The following JAZF1 variants were observed in gnomAD, a reference collection of about 807,000 sequenced individuals.
JAZF1 encodes the protein JAZF zinc finger 1, also known as juxtaposed with another zinc finger protein 1.
JAZF1 carries 8 observed loss-of-function variants against 26.4 expected under a neutral mutation model. The ratio of observed to expected loss-of-function variants is 0.30; its 90% CI spans 0.18 to 0.55. The LOEUF (loss-of-function observed/expected upper bound fraction) is 0.55. Ranked by LOEUF, JAZF1 falls within the 20% of genes least tolerant of loss-of-function variation. JAZF1 has a pLI of 0.94. For synonymous variants in JAZF1, 126 were observed against 122.3 expected (o/e 1.03, Z -0.20); for missense variants, 199 against 322.0 (o/e 0.62, Z 2.92).
At chr7:28,138,994 G>T (rs986523314) in intron 1 of JAZF1, among the ~76,000 whole-genome samples, 2 of 128,376 alleles carry the variant, frequency 1.6e-5, no homozygotes, top group African/African-American at 5.3e-5. Context: ...TTAGGTCAAG[G>T]TAGACCTGAA....
intron 1 of JAZF1, among the ~76,000 whole-genome samples, chr7:28,043,397 C>T (rs1056699559): frequency 2.0e-5 from 3 of 152,144 alleles, no homozygotes; most frequent in African/African-American, 7.2e-5. Flanking sequence ...ACTACCCTCC[C>T]CTAAGCTCGT....
rs768699572 is a variant in JAZF1 at position 27,877,174 on chromosome 7, AG to A, written c.385+18045del. On this transcript the variant is annotated intron_variant, in intron 3 of 4. Transcript: ENST00000283928. ...TCTTCCGTCAAAGCAAGGACAGGAA[AG>A]GGGAACGAGAGAGCTAGCGAAAAAC... Among the ~76,000 whole-genome samples, 12 of 152,340 alleles carry A rather than the reference AG, an allele frequency of 7.9e-5. No individual in the cohort carries two copies. The South Asian group carries it at 1.7e-3, about 21-fold the overall frequency.
At chr7:28,021,711 T>C (rs6946007) in intron 1 of JAZF1, among the ~76,000 whole-genome samples, 6,884 of 152,314 alleles carry the variant, frequency 0.045, 250 homozygotes, top group African/African-American at 0.093. Flanking sequence ...TCTCCCAATG[T>C]GTCACCTGAC....
rs1554274814 is a variant in JAZF1 at position 27,909,002 on chromosome 7, T to TATTAATTCATTC, written c.189-13587_189-13586insGAATGAATTAAT. 4.2e-4 allele frequency among the ~76,000 whole-genome samples: 63 copies of TATTAATTCATTC among 151,168 alleles called. No individual in the cohort carries two copies. The South Asian group carries it at 9.9e-3, about 24-fold the overall frequency. ...TTCAGGTAAGTACACACTTGAATAA[T>TATTAATTCATTC]ATTCATTCATTCATTCATTCATTCA... On this transcript the variant is annotated intron_variant, in intron 2 of 4. Coordinates refer to ENST00000283928, the MANE Select transcript of JAZF1 (RefSeq NM_175061.4).
chr7:28,049,840 C>T (rs1401443694), intron 1 of JAZF1, among the ~76,000 whole-genome samples: 2 of 152,130 alleles, frequency 1.3e-5, no homozygotes, highest in South Asian at 2.1e-4. Context: ...ATGCCCTCTC[C>T]GAGCACACCA....
At chr7:27,932,116 G>A (rs1453641040) in intron 2 of JAZF1, among the ~76,000 whole-genome samples, 1 of 152,048 alleles carries the variant, frequency 6.6e-6, no homozygotes, top group Non-Finnish European at 1.5e-5. Flanking sequence ...AAGGAAAAGC[G>A]GGTAAAAACA....
chr7:27,904,528 A>G (rs1393521268), intron 2 of JAZF1, among the ~76,000 whole-genome samples: 4 of 152,224 alleles, frequency 2.6e-5, no homozygotes, highest in Non-Finnish European at 5.9e-5. Flanking sequence ...GGATTTCCAA[A>G]TAACATTAAT....
At chr7:28,020,239 G>C (rs1006975845) in intron 1 of JAZF1, among the ~76,000 whole-genome samples, 2 of 152,074 alleles carry the variant, frequency 1.3e-5, no homozygotes, top group African/African-American at 4.8e-5. Flanking sequence ...TTTTAAAGTA[G>C]AGTGCTGCGA....
At position 27,895,384 on chromosome 7, in the gene JAZF1, T is replaced by G; in HGVS notation, c.221A>C (p.Glu74Ala). ...FMTDAARREQ[E>A]SLKKKIQPKL... ...CGGCTGAATCTTCTTCTTTAGGGAC[T>G]CCTGCTCTCGGCGGGCAGCATCTGT... Residue 74 changes from glutamate to alanine, a missense_variant, in exon 3 of 5, where the codon GAG becomes GCG. Transcript: ENST00000283928. The G allele has an allele frequency of 6.2e-7, 1 of 1,604,846 alleles. No individual in the cohort carries two copies. The highest frequency in any genetic ancestry group is 8.5e-7 in the Non-Finnish European group (1 of 1,175,780).
intron 1 of JAZF1, among the ~76,000 whole-genome samples, chr7:28,095,204 A>C (rs1201722985): frequency 6.6e-6 from 1 of 152,026 alleles, no homozygotes; most frequent in Non-Finnish European, 1.5e-5. Flanking sequence ...ATATTTGTTC[A>C]CTCTGTTGGG....
intron 1 of JAZF1, among the ~76,000 whole-genome samples, chr7:28,155,786 T>G (rs1336225886): frequency 1.3e-5 from 2 of 152,244 alleles, no homozygotes; most frequent in Non-Finnish European, 2.9e-5. Flanking sequence ...TGTCTGTGTG[T>G]GTGTGCACGC....
At chr7:28,093,051 T>C (rs533131984) in intron 1 of JAZF1, among the ~76,000 whole-genome samples, 12 of 152,312 alleles carry the variant, frequency 7.9e-5, no homozygotes, top group African/African-American at 2.9e-4. Context: ...ACAATCTTTT[T>C]AAAAGCATTT....
chr7:28,002,384 G>A (rs1395515869), intron 1 of JAZF1, among the ~76,000 whole-genome samples: 30 of 152,154 alleles, frequency 2.0e-4, no homozygotes, highest in Admixed American at 2.0e-3. Context: ...TCTGGTACCC[G>A]AGTCTCCAAG....
intron 1 of JAZF1, among the ~76,000 whole-genome samples, chr7:28,036,734 C>T (rs1185716924): frequency 6.6e-6 from 1 of 152,192 alleles, no homozygotes; most frequent in Non-Finnish European, 1.5e-5. Flanking sequence ...TTATTAGACA[C>T]CTAGAGGTTC....
intron 3 of JAZF1, among the ~76,000 whole-genome samples, chr7:27,848,855 A>G (rs1442779480): frequency 6.6e-6 from 1 of 152,134 alleles, no homozygotes; most frequent in African/African-American, 2.4e-5. Context: ...TTTTAGTAAA[A>G]ATTCTAGCTG....
chr7:27,905,840 T>C (rs566674105), intron 2 of JAZF1, among the ~76,000 whole-genome samples: 15 of 152,282 alleles, frequency 9.9e-5, no homozygotes, highest in African/African-American at 2.9e-4. Flanking sequence ...AAGATTCTTC[T>C]TTATTCTGAG....
intron 1 of JAZF1, among the ~76,000 whole-genome samples, chr7:28,035,313 C>CAAAAAAAAAAAAAAAAAAAAAAAAAA (rs201602870): frequency 3.6e-5 from 1 of 27,454 alleles, no homozygotes; most frequent in African/African-American, 1.6e-4. Flanking sequence ...GACTCCATCT[C>CAAAAAAAAAAAAAAAAAAAAAAAAAA]AAAAAAAAAA....
chr7:28,149,986 C>T (rs1783085756), intron 1 of JAZF1, among the ~76,000 whole-genome samples: 1 of 152,212 alleles, frequency 6.6e-6, no homozygotes, highest in African/African-American at 2.4e-5. Flanking sequence ...TTACCTTCCT[C>T]TATTCCCTTG....
chr7:27,885,593 C>A (rs1196082734), intron 3 of JAZF1, among the ~76,000 whole-genome samples: 1 of 152,124 alleles, frequency 6.6e-6, no homozygotes, highest in Non-Finnish European at 1.5e-5. Flanking sequence ...CAAATATTTT[C>A]ACCTATTCTG....
Sources: allele counts gnomAD v4.1 joint callset (sites outside exome capture counted in the v4.1 genomes callset), GRCh38; gene constraint gnomAD v4.1.1; transcripts MANE v1.5; gene names NCBI Gene and HGNC (gene_info 2026-07-23, HGNC 2026-07-21).